The following MRPS28 variants were observed in gnomAD, a reference collection of about 807,000 sequenced individuals.
MRPS28 encodes small ribosomal subunit protein bS1m.
A neutral mutation model predicts 10.8 loss-of-function variants in MRPS28; 7 were observed. The ratio of observed to expected loss-of-function variants is 0.65; its 90% CI spans 0.37 to 1.22. MRPS28 has a LOEUF of 1.22. Among genes scored for constraint, MRPS28 ranks in the 50% most tolerant of loss-of-function variants. MRPS28 has a pLI of 0.02. For missense variants in MRPS28, 265 were observed against 232.9 expected (o/e 1.14, Z -0.90); for synonymous variants, 121 against 93.3 (o/e 1.30, Z -1.71).
intron 2 of MRPS28, among the ~76,000 whole-genome samples, chr8:79,978,001 T>A (rs1389938255): frequency 6.6e-6 from 1 of 152,034 alleles, no homozygotes; most frequent in East Asian, 1.9e-4. Context: ...TTATCCAATT[T>A]AAAAAAATAA....
At chr8:79,954,473 T>A (rs1807154894) in intron 2 of MRPS28, among the ~76,000 whole-genome samples, 1 of 152,144 alleles carries the variant, frequency 6.6e-6, no homozygotes, top group Non-Finnish European at 1.5e-5. Flanking sequence ...TAGGGCTTAG[T>A]CTTACTGTCT....
At chr8:79,985,939 A>G (rs1350916008) in intron 2 of MRPS28, among the ~76,000 whole-genome samples, 1 of 152,214 alleles carries the variant, frequency 6.6e-6, no homozygotes, top group Non-Finnish European at 1.5e-5. Flanking sequence ...GGCCAGCATC[A>G]TCCTGATACC....
rs191054537 is a variant in MRPS28, at chr8:79,955,386, T to A, written c.396-36238A>T. Among the ~76,000 whole-genome samples the A allele has an allele frequency of 1.9e-3, 283 of 152,352 alleles. 1 individual carries two copies. The highest frequency in any genetic ancestry group is 6.6e-3 in the African/African-American group (274 of 41,584). ...ATTAAGAGTACCTTTGACTTCTGCG[T>A]GGATATCTCCTTAGCTAGATCCTCT... On this transcript the variant is annotated intron_variant, in intron 2 of 2. Transcript: ENST00000276585.
At chr8:79,954,375 T>C (rs1807152721) in intron 2 of MRPS28, among the ~76,000 whole-genome samples, 1 of 152,066 alleles carries the variant, frequency 6.6e-6, no homozygotes, top group Non-Finnish European at 1.5e-5. Context: ...ATGGAAACTC[T>C]GTTCCAAAAA....
At chr8:79,952,509 A>G (rs1352636771) in intron 2 of MRPS28, among the ~76,000 whole-genome samples, 1 of 152,200 alleles carries the variant, frequency 6.6e-6, no homozygotes, top group Non-Finnish European at 1.5e-5. Flanking sequence ...CGATGTTCTT[A>G]TAAGAGCATT....
chr8:79,930,278 G>A (rs551664986), intron 2 of MRPS28, among the ~76,000 whole-genome samples: 37 of 152,264 alleles, frequency 2.4e-4, no homozygotes, highest in African/African-American at 8.7e-4. Context: ...AGGTAGGCAA[G>A]TTCTAAATCA....
chr8:79,969,773 T>C (rs1000952396), intron 2 of MRPS28, among the ~76,000 whole-genome samples: 1 of 152,046 alleles, frequency 6.6e-6, no homozygotes, highest in East Asian at 1.9e-4. Flanking sequence ...ATTACGGTTA[T>C]GTAAGGTAAG....
chr8:79,976,801 CTTAAA>C (rs1337722387), intron 2 of MRPS28, among the ~76,000 whole-genome samples: 2 of 152,020 alleles, frequency 1.3e-5, no homozygotes, highest in African/African-American at 4.8e-5. Context: ...TTGCAATCAG[CTTAAA>C]TTACTTTTAA....
chr8:79,921,650 T>C (rs1810097445), intron 2 of MRPS28, among the ~76,000 whole-genome samples: 1 of 152,258 alleles, frequency 6.6e-6, no homozygotes, highest in African/African-American at 2.4e-5. Flanking sequence ...GAGACTTTGC[T>C]GAAGTTTCTT....
chr8:79,999,189 A>G (rs948653176), intron 2 of MRPS28, among the ~76,000 whole-genome samples: 4 of 152,260 alleles, frequency 2.6e-5, no homozygotes, highest in African/African-American at 7.2e-5. Context: ...GAAGCTGCTC[A>G]GTCAGAGGCC....
At chr8:79,974,931 TTATTATTACGGAGGGCAG>T (rs1215918583) in intron 2 of MRPS28, among the ~76,000 whole-genome samples, 1 of 152,176 alleles carries the variant, frequency 6.6e-6, no homozygotes, top group Non-Finnish European at 1.5e-5. Context: ...ACATTTTTTA[TTATTATTACGGAGGGCAG>T]TAGGAATCCT....
chr8:79,935,670 T>C (rs1301188196), intron 2 of MRPS28, among the ~76,000 whole-genome samples: 2 of 152,200 alleles, frequency 1.3e-5, no homozygotes, highest in South Asian at 2.1e-4. Context: ...TTTATGTTTG[T>C]AGAGAGATAA....
chr8:79,968,662 C>CCT, intron 2 of MRPS28, among the ~76,000 whole-genome samples: 1 of 151,938 alleles, frequency 6.6e-6, no homozygotes, highest in East Asian at 1.9e-4. Flanking sequence ...GCCTTCTTCT[C>CCT]CTCTCTCGCC....
At chr8:79,973,533 G>A (rs1807693810) in intron 2 of MRPS28, among the ~76,000 whole-genome samples, 4 of 152,112 alleles carry the variant, frequency 2.6e-5, no homozygotes, top group Admixed American at 2.6e-4. Flanking sequence ...GCACATTATA[G>A]CCTCAAATTC....
intron 2 of MRPS28, among the ~76,000 whole-genome samples, chr8:79,960,108 C>T (rs111497208): frequency 0.013 from 1,982 of 152,216 alleles, 29 homozygotes; most frequent in Non-Finnish European, 0.021. Flanking sequence ...CAGAGCAAAG[C>T]ACTGTGGAGT....
intron 2 of MRPS28, among the ~76,000 whole-genome samples, chr8:79,950,095 C>T (rs1321158490): frequency 6.6e-6 from 1 of 152,064 alleles, no homozygotes; most frequent in Non-Finnish European, 1.5e-5. Flanking sequence ...CCCAGCTTCC[C>T]CCCTAGTTTC....
intron 2 of MRPS28, among the ~76,000 whole-genome samples, chr8:79,984,848 C>G (rs1393877511): frequency 6.6e-6 from 1 of 152,180 alleles, no homozygotes; most frequent in Non-Finnish European, 1.5e-5. Context: ...ACCCCACAGT[C>G]AACATTAGAC....
chr8:79,944,812 G>A (rs528299922), intron 2 of MRPS28, among the ~76,000 whole-genome samples: 1 of 149,696 alleles, frequency 6.7e-6, no homozygotes, highest in African/African-American at 2.5e-5. Context: ...TCCCATCTCA[G>A]CTTCCTGAGT....
chr8:79,930,005 A>G (rs1165247973), intron 2 of MRPS28, among the ~76,000 whole-genome samples: 96 of 152,210 alleles, frequency 6.3e-4, no homozygotes, highest in Non-Finnish European at 7.4e-5. Context: ...ATTATCTTTC[A>G]GTCTACCTAT....
Sources: gnomAD v4.1 joint callset for allele counts (sites outside exome capture counted in the v4.1 genomes callset) on GRCh38, gnomAD v4.1.1 for gene constraint, MANE v1.5 for transcripts, NCBI Gene and HGNC (gene_info 2026-07-23, HGNC 2026-07-21) for gene names.